Variants in LRRIQ1 observed in about 807,000 individuals in gnomAD.
LRRIQ1 encodes leucine-rich repeat- and IQ domain-containing protein 1.
LRRIQ1 carries 210 observed loss-of-function variants against 211.9 expected under a neutral mutation model. That is an observed-to-expected ratio of 0.99 (90% CI 0.89 to 1.11). LRRIQ1 has a LOEUF of 1.11. Among genes scored for constraint, LRRIQ1 ranks in the 50% most tolerant of loss-of-function variants. The pLI is 0.00. For synonymous variants in LRRIQ1, 699 were observed against 650.1 expected (o/e 1.08, Z -1.14); for missense variants, 2,136 against 1,939.5 (o/e 1.10, Z -1.90).
intron 24 of LRRIQ1, among the ~76,000 whole-genome samples, chr12:85,198,273 C>G (rs1017952985): frequency 1.4e-5 from 2 of 148,024 alleles, no homozygotes; most frequent in African/African-American, 5.0e-5. Flanking sequence ...AATGAACATA[C>G]GTGTCCATGT....
chr12:85,250,387 A>G (rs1411207275), intron 1 of LRRIQ1, among the ~76,000 whole-genome samples: 1 of 151,846 alleles, frequency 6.6e-6, no homozygotes, highest in African/African-American at 2.4e-5. Context: ...CACAATCAGA[A>G]GATGCAGATT....
intron 24 of LRRIQ1, among the ~76,000 whole-genome samples, chr12:85,161,886 A>C (rs184331312): frequency 1.3e-5 from 2 of 152,102 alleles, no homozygotes; most frequent in African/African-American, 4.8e-5. Flanking sequence ...TAAAAATACA[A>C]AAAATTAGCC....
At chr12:85,210,793 G>A (rs1212768747) in intron 24 of LRRIQ1, among the ~76,000 whole-genome samples, 2 of 152,238 alleles carry the variant, frequency 1.3e-5, no homozygotes, top group African/African-American at 2.4e-5. Context: ...TTTGTGTACT[G>A]AACAAACTTA....
intron 26 of LRRIQ1, among the ~76,000 whole-genome samples, chr12:85,235,164 T>C (rs1895117515): frequency 6.6e-6 from 1 of 152,196 alleles, no homozygotes; most frequent in Admixed American, 6.5e-5. Context: ...TATTGCATGA[T>C]AGGAATTAGA....
intron 11 of LRRIQ1, among the ~76,000 whole-genome samples, chr12:85,093,055 G>C (rs944722792): frequency 6.6e-6 from 1 of 152,158 alleles, no homozygotes; most frequent in African/African-American, 2.4e-5. Context: ...CCAGGTTGAT[G>C]AGTCTACTAA....
In LRRIQ1 at chr12:85,066,851, C is replaced by CTAA; in HGVS notation, c.2651_2653dup (p.Asn884dup). ...TCTCTTCATGGTTTGGATGGCTGTA[C>CTAA]TAATATTCAGTGTCTTGAACTTTCA... On this transcript the variant is annotated inframe_insertion, in exon 10 of 27. Coordinates refer to ENST00000393217, the MANE Select transcript of LRRIQ1 (RefSeq NM_001079910.2). 6.3e-7 allele frequency: 1 copy of CTAA among 1,577,224 alleles called. No homozygotes were observed. The highest frequency in any genetic ancestry group is 2.3e-5 in the East Asian group (1 of 43,648).
At chr12:85,048,918 G>C (rs923724110) in intron 6 of LRRIQ1, among the ~76,000 whole-genome samples, 3 of 152,096 alleles carry the variant, frequency 2.0e-5, no homozygotes, top group Non-Finnish European at 2.9e-5. Context: ...ACCAAAATTT[G>C]CTGACTACCT....
At chr12:85,230,815 C>T (rs1437168983) in intron 25 of LRRIQ1, among the ~76,000 whole-genome samples, 1 of 151,042 alleles carries the variant, frequency 6.6e-6, no homozygotes, top group Non-Finnish European at 1.5e-5. Context: ...TTTGGGAGGC[C>T]GAGGCGGGCG....
At chr12:85,093,503 A>G (rs758009135) in intron 11 of LRRIQ1, among the ~76,000 whole-genome samples, 1 of 152,220 alleles carries the variant, frequency 6.6e-6, no homozygotes, top group Non-Finnish European at 1.5e-5. Flanking sequence ...TCTTATACAG[A>G]GAAGTGAGAT....
intron 24 of LRRIQ1, among the ~76,000 whole-genome samples, chr12:85,197,555 A>C (rs1051591770): frequency 6.6e-6 from 1 of 151,156 alleles, no homozygotes; most frequent in Non-Finnish European, 1.5e-5. Context: ...GGAAATCATC[A>C]TTCTCAGTAA....
rs34401786 is a variant in LRRIQ1 at position 85,141,579 on chromosome 12, CTTT to C, written c.4329+3623_4329+3625del. ...TTTGATATTTTTATACCTACAGCAG[CTTT>C]TTTTTTTTTTTTGGCTACTGTTTTC... On this transcript the variant is annotated intron_variant, in intron 19 of 26. Transcript: ENST00000393217. 5.1e-3 allele frequency among the ~76,000 whole-genome samples: 679 copies of C among 132,756 alleles called. 4 individuals carry two copies. Among genetic ancestry groups the C allele is most frequent in the Non-Finnish European group, 7.9e-3 (488 of 62,054 alleles). 87.1% of individuals were successfully genotyped at this position (132,756 alleles called of 152,430 possible).
At chr12:85,177,893 A>G (rs1891791429) in intron 24 of LRRIQ1, among the ~76,000 whole-genome samples, 1 of 152,052 alleles carries the variant, frequency 6.6e-6, no homozygotes, top group Non-Finnish European at 1.5e-5. Flanking sequence ...CATAATAGAT[A>G]TGGAGATTTA....
intron 2 of LRRIQ1, 89 bp downstream of exon 2, chr12:85,038,397 T>C: frequency 1.1e-6 from 1 of 928,456 alleles, no homozygotes; most frequent in Non-Finnish European, 1.5e-6. Context: ...GTACTTCTCA[T>C]TTTTAGCAGC....
At chr12:85,226,902 C>T (rs1894687394) in intron 24 of LRRIQ1, among the ~76,000 whole-genome samples, 1 of 151,910 alleles carries the variant, frequency 6.6e-6, no homozygotes, top group Admixed American at 6.6e-5. Context: ...TGTATATGTG[C>T]CACATTTTCT....
intron 15 of LRRIQ1, 35 bp downstream of exon 15, chr12:85,106,650 T>C: frequency 7.4e-7 from 1 of 1,356,282 alleles, no homozygotes; most frequent in Non-Finnish European, 1.0e-6. Context: ...TGTATATCCA[T>C]TATTATAGTT....
chr12:85,202,291 A>G (rs1314604086), intron 24 of LRRIQ1, among the ~76,000 whole-genome samples: 1 of 152,122 alleles, frequency 6.6e-6, no homozygotes, highest in Non-Finnish European at 1.5e-5. Flanking sequence ...TGTTCTGCAA[A>G]TGTCTATTAC....
intron 24 of LRRIQ1, among the ~76,000 whole-genome samples, chr12:85,190,675 G>A (rs190152559): frequency 6.6e-6 from 1 of 151,824 alleles, no homozygotes; most frequent in Admixed American, 6.6e-5. Flanking sequence ...CACTTTAAAT[G>A]TTATACATAA....
At chr12:85,162,626 T>C in intron 24 of LRRIQ1, 1 of 380,308 alleles carries the variant, frequency 2.6e-6, no homozygotes, top group South Asian at 2.0e-5. Context: ...ATATGTTTAT[T>C]GAATTGTGTA....
chr12:85,191,046 A>T (rs1400927563), intron 24 of LRRIQ1, among the ~76,000 whole-genome samples: 2 of 152,104 alleles, frequency 1.3e-5, no homozygotes, highest in East Asian at 3.9e-4. Flanking sequence ...ATTTTAGTAT[A>T]GTTTATGTCC....
Sources: gnomAD v4.1 joint callset for allele counts (sites outside exome capture counted in the v4.1 genomes callset) on GRCh38, gnomAD v4.1.1 for gene constraint, MANE v1.5 for transcripts, NCBI Gene and HGNC (gene_info 2026-07-23, HGNC 2026-07-21) for gene names.